Variants in FMNL2 observed in about 807,000 individuals in gnomAD.
FMNL2 encodes formin-like protein 2.
FMNL2 carries 51 observed loss-of-function variants against 130.2 expected under a neutral mutation model. The ratio of observed to expected loss-of-function variants is 0.39; its 90% confidence interval spans 0.31 to 0.49. The LOEUF (loss-of-function observed/expected upper bound fraction) is 0.49. Among genes scored for constraint, FMNL2 ranks in the 20% least tolerant of loss-of-function variants. The pLI, the probability that FMNL2 is intolerant of heterozygous loss-of-function variation, is 0.85. For missense variants in FMNL2, 977 were observed against 1,316.2 expected, an observed-to-expected ratio of 0.74 and a Z score of 3.99; for synonymous variants, 465 against 467.1, an observed-to-expected ratio of 1.00 and a Z score of 0.06.
At chr2:152,402,534 G>A (rs1373493246) in intron 1 of FMNL2, among the ~76,000 whole-genome samples, 1 of 152,200 alleles carries the variant, frequency 6.6e-6, no homozygotes, top group Non-Finnish European at 1.5e-5. Context: ...CTTTTGTGAT[G>A]TTTACTGGTC....
intron 9 of FMNL2, among the ~76,000 whole-genome samples, chr2:152,605,301 C>T (rs1369302547): frequency 4.7e-5 from 7 of 149,394 alleles, no homozygotes; most frequent in South Asian, 2.1e-4. Flanking sequence ...TGCGTCTGTG[C>T]GTGTGCGTGT....
intron 1 of FMNL2, among the ~76,000 whole-genome samples, chr2:152,515,163 G>A (rs1437095248): frequency 6.6e-6 from 1 of 152,152 alleles, no homozygotes; most frequent in Non-Finnish European, 1.5e-5. Flanking sequence ...CACACATCCA[G>A]GCTCAATGCA....
intron 1 of FMNL2, among the ~76,000 whole-genome samples, chr2:152,407,380 C>T (rs1686043026): frequency 6.6e-6 from 1 of 152,006 alleles, no homozygotes; most frequent in Admixed American, 6.6e-5. Flanking sequence ...GAAACCCTTC[C>T]AGCCCTGGGC....
chr2:152,643,811 AT>A (rs1297701688), intron 25 of FMNL2: 8 of 985,470 alleles, frequency 8.1e-6, no homozygotes, highest in Non-Finnish European at 9.6e-6. Context: ...GAGCAAAAAT[AT>A]TAAGAGCACT....
intron 1 of FMNL2, among the ~76,000 whole-genome samples, chr2:152,464,637 A>G (rs1689427269): frequency 6.6e-6 from 1 of 152,160 alleles, no homozygotes; most frequent in Admixed American, 6.5e-5. Context: ...CTCAGTGTAG[A>G]CTAGATTGAG....
chr2:152,417,733 A>G (rs1227050022), intron 1 of FMNL2, among the ~76,000 whole-genome samples: 1 of 152,186 alleles, frequency 6.6e-6, no homozygotes, highest in African/African-American at 2.4e-5. Context: ...TCATATTGTT[A>G]GAGCTAAATT....
chr2:152,544,762 C>T (rs1000380112), intron 3 of FMNL2, among the ~76,000 whole-genome samples: 3 of 152,180 alleles, frequency 2.0e-5, no homozygotes, highest in Admixed American at 6.5e-5. Flanking sequence ...CTAGGGAGTG[C>T]TGCTTAGGCC....
chr2:152,491,821 T>C (rs13427990), intron 1 of FMNL2, among the ~76,000 whole-genome samples: 63,164 of 151,706 alleles, frequency 0.42, 13,554 homozygotes, highest in East Asian at 0.67. Context: ...CGTGGTGGCG[T>C]GCACCTGGAA....
chr2:152,489,680 G>C (rs1263997924), intron 1 of FMNL2, among the ~76,000 whole-genome samples: 1 of 152,202 alleles, frequency 6.6e-6, no homozygotes, highest in Non-Finnish European at 1.5e-5. Flanking sequence ...TTTCCTTTGT[G>C]GGGGTGGTGG....
At chr2:152,380,785 A>C (rs1268545728) in intron 1 of FMNL2, among the ~76,000 whole-genome samples, 2 of 152,214 alleles carry the variant, frequency 1.3e-5, no homozygotes, top group Non-Finnish European at 2.9e-5. Context: ...TGTTTTATAC[A>C]GTGCCTGTTG....
At chr2:152,599,437 T>TTTTTTA (rs1553484499) in intron 9 of FMNL2, among the ~76,000 whole-genome samples, 10 of 132,244 alleles carry the variant, frequency 7.6e-5, no homozygotes, top group Non-Finnish European at 1.3e-4. Context: ...TTTTTTTTTT[T>TTTTTTA]AGAGAGGTAG....
chr2:152,348,675 A>C (rs1056148813), intron 1 of FMNL2, among the ~76,000 whole-genome samples: 3 of 152,204 alleles, frequency 2.0e-5, no homozygotes, highest in Non-Finnish European at 4.4e-5. Flanking sequence ...CTCCTTGTGA[A>C]TTAGCAGAAG....
chr2:152,406,530 A>T (rs550886716), intron 1 of FMNL2, among the ~76,000 whole-genome samples: 62 of 152,336 alleles, frequency 4.1e-4, no homozygotes, highest in Middle Eastern at 3.4e-3. Flanking sequence ...TCAAGATGGT[A>T]GTCTCAATTC....
intron 1 of FMNL2, among the ~76,000 whole-genome samples, chr2:152,384,665 G>A (rs1350408893): frequency 6.6e-6 from 1 of 152,124 alleles, no homozygotes; most frequent in Non-Finnish European, 1.5e-5. Flanking sequence ...AGCCTGCCTG[G>A]GTCCCTTGAG....
At chr2:152,380,715 A>G (rs1346387625) in intron 1 of FMNL2, among the ~76,000 whole-genome samples, 1 of 152,230 alleles carries the variant, frequency 6.6e-6, no homozygotes, top group East Asian at 1.9e-4. Flanking sequence ...CAGTTGAGAA[A>G]ACTCTTATTT....
intron 1 of FMNL2, among the ~76,000 whole-genome samples, chr2:152,356,271 C>T (rs983443839): frequency 6.6e-5 from 10 of 152,136 alleles, no homozygotes; most frequent in African/African-American, 2.2e-4. Flanking sequence ...TACAGGTGTG[C>T]GCCACCACGC....
At chr2:152,570,010 C>CAA (rs139817108) in intron 6 of FMNL2, among the ~76,000 whole-genome samples, 3,706 of 145,904 alleles carry the variant, frequency 0.025, 161 homozygotes, top group African/African-American at 0.084. Context: ...GACTCTGTCT[C>CAA]AAAAAAAAAA....
chr2:152,357,062 C>CGTAAGTTTAATGTATCACA (rs749672375), intron 1 of FMNL2, among the ~76,000 whole-genome samples: 5 of 139,076 alleles, frequency 3.6e-5, no homozygotes, highest in Admixed American at 7.4e-5. Context: ...ATAAATATTA[C>CGTAAGTTTAATGTATCACA]ATAAGTTTAA....
At chr2:152,419,578 C>A (rs919683081) in intron 1 of FMNL2, among the ~76,000 whole-genome samples, 4 of 152,084 alleles carry the variant, frequency 2.6e-5, no homozygotes, top group Non-Finnish European at 5.9e-5. Context: ...GGGTACCAAG[C>A]CTCAGGAGGA....
Sources: allele counts gnomAD v4.1 joint callset (sites outside exome capture counted in the v4.1 genomes callset), GRCh38; gene constraint gnomAD v4.1.1; transcripts MANE v1.5; gene names NCBI Gene and HGNC (gene_info 2026-07-23, HGNC 2026-07-21).